Variants in HTR1F observed in about 807,000 individuals in gnomAD.
HTR1F encodes the protein 5-hydroxytryptamine (serotonin) receptor 1F, G protein-coupled.
Under a neutral mutation model 24.0 loss-of-function variants are expected in HTR1F, and 17 were observed. The ratio of observed to expected loss-of-function variants is 0.71; its 90% CI spans 0.48 to 1.06. The LOEUF (loss-of-function observed/expected upper bound fraction) is 1.06, where lower values mean the gene tolerates loss of function less well. Ranked by LOEUF, HTR1F falls within the 50% of genes least tolerant of loss-of-function variation. The pLI is 0.00. For missense variants in HTR1F, 391 were observed against 427.8 expected (o/e 0.91, Z 0.76); for synonymous variants, 186 against 156.8 (o/e 1.19, Z -1.39).
At chr3:87,962,912 G>T (rs1416719212) in intron 2 of HTR1F, among the ~76,000 whole-genome samples, 1 of 151,744 alleles carries the variant, frequency 6.6e-6, no homozygotes, top group Non-Finnish European at 1.5e-5. Flanking sequence ...TTAATCTAGT[G>T]ATACTAATAG....
intron 2 of HTR1F, among the ~76,000 whole-genome samples, chr3:87,945,842 G>A (rs1483474720): frequency 5.3e-5 from 8 of 151,910 alleles, no homozygotes; most frequent in Admixed American, 6.6e-5. Flanking sequence ...GTCCCTTCTT[G>A]GTCGCCAAAA....
At chr3:87,894,667 C>T (rs985261665) in intron 2 of HTR1F, among the ~76,000 whole-genome samples, 2 of 148,632 alleles carry the variant, frequency 1.3e-5, no homozygotes, top group African/African-American at 5.0e-5. Flanking sequence ...GACTCTGAAG[C>T]CAGAATATGT....
chr3:87,869,337 A>C (rs1460482163), intron 2 of HTR1F, among the ~76,000 whole-genome samples: 2 of 151,906 alleles, frequency 1.3e-5, no homozygotes, highest in Admixed American at 6.6e-5. Flanking sequence ...TGAGTGCTTT[A>C]GTCAGGGTTC....
chr3:87,907,623 A>G (rs770738986), intron 2 of HTR1F, among the ~76,000 whole-genome samples: 3 of 152,012 alleles, frequency 2.0e-5, no homozygotes, highest in Non-Finnish European at 2.9e-5. Context: ...TATTCACACC[A>G]TATCAACCAC....
intron 2 of HTR1F, among the ~76,000 whole-genome samples, chr3:87,831,906 GATT>G (rs1302373000): frequency 6.6e-6 from 1 of 152,050 alleles, no homozygotes; most frequent in Admixed American, 6.5e-5. Flanking sequence ...AAACTTAATG[GATT>G]ATTGTAATCT....
intron 2 of HTR1F, among the ~76,000 whole-genome samples, chr3:87,844,097 C>G (rs934411890): frequency 8.6e-5 from 13 of 150,418 alleles, no homozygotes; most frequent in Admixed American, 2.0e-4. Flanking sequence ...CCTGAGGAAT[C>G]GCCACACTGA....
At chr3:87,967,493 A>G (rs1298163176) in intron 2 of HTR1F, among the ~76,000 whole-genome samples, 2 of 151,458 alleles carry the variant, frequency 1.3e-5, no homozygotes, top group East Asian at 1.9e-4. Flanking sequence ...TCAAGGAGTG[A>G]TACGGCTTGG....
chr3:87,880,382 A>G (rs1705764526), intron 2 of HTR1F, among the ~76,000 whole-genome samples: 1 of 152,200 alleles, frequency 6.6e-6, no homozygotes, highest in African/African-American at 2.4e-5. Flanking sequence ...TCAGCTCTTT[A>G]AAAGACATCA....
At chr3:87,970,575 G>A (rs1239505355) in intron 2 of HTR1F, among the ~76,000 whole-genome samples, 1 of 152,124 alleles carries the variant, frequency 6.6e-6, no homozygotes, top group Non-Finnish European at 1.5e-5. Context: ...CCTGTGGGCT[G>A]AGAACCAAAA....
intron 2 of HTR1F, among the ~76,000 whole-genome samples, chr3:87,953,321 A>G (rs1469248746): frequency 6.6e-6 from 1 of 150,410 alleles, no homozygotes; most frequent in Admixed American, 6.6e-5. Flanking sequence ...AGAGATTAAT[A>G]CCAGAAAATA....
At chr3:87,882,025 C>A (rs1705815368) in intron 2 of HTR1F, among the ~76,000 whole-genome samples, 2 of 152,282 alleles carry the variant, frequency 1.3e-5, no homozygotes, top group African/African-American at 4.8e-5. Flanking sequence ...AAAAAACAAA[C>A]AACCCCATCA....
intron 2 of HTR1F, among the ~76,000 whole-genome samples, chr3:87,935,301 C>T (rs555177581): frequency 3.7e-4 from 56 of 152,284 alleles, no homozygotes; most frequent in African/African-American, 1.3e-3. Context: ...ATACTCCCAT[C>T]ATTGTCTCTC....
chr3:87,926,562 T>A (rs1704131525), intron 2 of HTR1F, among the ~76,000 whole-genome samples: 2 of 152,134 alleles, frequency 1.3e-5, no homozygotes. Context: ...ACCTAGTAAA[T>A]TTCAAAGAGA....
At chr3:87,848,478 T>C (rs763926230) in intron 2 of HTR1F, among the ~76,000 whole-genome samples, 39 of 151,906 alleles carry the variant, frequency 2.6e-4, no homozygotes, top group Non-Finnish European at 5.3e-4. Context: ...CACTCTATTG[T>C]TTCATTTGCT....
chr3:87,950,954 C>T (rs1335399486), intron 2 of HTR1F, among the ~76,000 whole-genome samples: 1 of 151,948 alleles, frequency 6.6e-6, no homozygotes, highest in Non-Finnish European at 1.5e-5. Flanking sequence ...GATATAAATG[C>T]ATCTCCTCTC....
intron 2 of HTR1F, among the ~76,000 whole-genome samples, chr3:87,977,658 T>C (rs1705427735): frequency 6.6e-6 from 1 of 151,792 alleles, no homozygotes; most frequent in Non-Finnish European, 1.5e-5. Flanking sequence ...CCTGACCTCA[T>C]GATCCGCCCA....
At chr3:87,839,677 T>C (rs184172951) in intron 2 of HTR1F, among the ~76,000 whole-genome samples, 2 of 152,270 alleles carry the variant, frequency 1.3e-5, no homozygotes, top group Admixed American at 6.5e-5. Flanking sequence ...CAAAGGTATA[T>C]TGTGTGATGC....
At chr3:87,940,125 A>C (rs1704532713) in intron 2 of HTR1F, among the ~76,000 whole-genome samples, 1 of 152,160 alleles carries the variant, frequency 6.6e-6, no homozygotes, top group South Asian at 2.1e-4. Context: ...TTATTTACCC[A>C]GTAGTCATTC....
At chr3:87,965,667 C>T (rs1705149370) in intron 2 of HTR1F, among the ~76,000 whole-genome samples, 1 of 152,108 alleles carries the variant, frequency 6.6e-6, no homozygotes, top group African/African-American at 2.4e-5. Flanking sequence ...TTTGGAACAA[C>T]TTTTGCAAGG....
Sources: allele counts gnomAD v4.1 joint callset (sites outside exome capture counted in the v4.1 genomes callset), GRCh38; gene constraint gnomAD v4.1.1; transcripts MANE v1.5; gene names NCBI Gene and HGNC (gene_info 2026-07-23, HGNC 2026-07-21).